The following ATP2B2 variants were observed in gnomAD, a reference collection of about 807,000 sequenced individuals.
ATP2B2 encodes the protein plasma membrane calcium-transporting ATPase 2.
ATP2B2 carries 15 observed loss-of-function variants against 120.0 expected under a neutral mutation model. The observed-to-expected ratio is 0.12, with a 90% CI of 0.08 to 0.19. The LOEUF is 0.19. ATP2B2 is among the 10% of genes least tolerant of loss of function. ATP2B2 has a pLI of 1.00. For missense variants in ATP2B2, 1,045 were observed against 1,719.8 expected, an observed-to-expected ratio of 0.61 and a Z score of 6.94; for synonymous variants, 694 against 700.3, an observed-to-expected ratio of 0.99 and a Z score of 0.14.
chr3:10,706,354 G>C (rs932042724), intron 1 of ATP2B2, among the ~76,000 whole-genome samples: 1 of 152,208 alleles, frequency 6.6e-6, no homozygotes, highest in Non-Finnish European at 1.5e-5. Flanking sequence ...TATGCAGAGG[G>C]GGCCTCTTCC....
intron 2 of ATP2B2, among the ~76,000 whole-genome samples, chr3:10,426,079 T>C (rs995639227): frequency 6.6e-6 from 1 of 152,040 alleles, no homozygotes; most frequent in Non-Finnish European, 1.5e-5. Context: ...ACAAGTGCTT[T>C]CCTGCCTTAG....
intron 1 of ATP2B2, among the ~76,000 whole-genome samples, chr3:10,639,666 T>C (rs7618122): frequency 0.3 from 45,153 of 152,070 alleles, 11,166 homozygotes; most frequent in African/African-American, 0.68. Context: ...CAGAGACTAG[T>C]GACTGGGTGC....
chr3:10,599,881 T>C (rs1003935748), intron 2 of ATP2B2, among the ~76,000 whole-genome samples: 1 of 151,728 alleles, frequency 6.6e-6, no homozygotes, highest in Non-Finnish European at 1.5e-5. Context: ...ACGTAGTACG[T>C]GGGGTGGAAG....
chr3:10,438,429 C>A (rs1369459950), intron 2 of ATP2B2, among the ~76,000 whole-genome samples: 1 of 152,240 alleles, frequency 6.6e-6, no homozygotes, highest in Non-Finnish European at 1.5e-5. Flanking sequence ...AACTGCCTGC[C>A]AATCCAGTGT....
intron 1 of ATP2B2, among the ~76,000 whole-genome samples, chr3:10,501,072 C>T (rs1269773014): frequency 3.3e-5 from 5 of 152,206 alleles, no homozygotes; most frequent in Non-Finnish European, 5.9e-5. Flanking sequence ...ACACTCTCCC[C>T]CATACCCAGG....
intron 2 of ATP2B2, among the ~76,000 whole-genome samples, chr3:10,542,852 G>C (rs983228009): frequency 6.6e-6 from 1 of 152,208 alleles, no homozygotes; most frequent in African/African-American, 2.4e-5. Flanking sequence ...TCAGCTTCCT[G>C]AATCTGTAGG....
intron 5 of ATP2B2, 49 bp downstream of exon 5, chr3:10,400,904 C>A (rs757282782): frequency 1.1e-5 from 17 of 1,611,652 alleles, no homozygotes; most frequent in African/African-American, 8.0e-5. Context: ...ACACAGGCAT[C>A]CCCTGTGCAT....
At chr3:10,350,680 A>C in intron 14 of ATP2B2, 103 bp from the exon 15 acceptor site, 1 of 1,262,118 alleles carries the variant, frequency 7.9e-7, no homozygotes, top group Non-Finnish European at 1.1e-6. Context: ...AGCTCTACTG[A>C]AAGGGGACTA....
At chr3:10,467,348 C>T (rs559148606) in intron 1 of ATP2B2, among the ~76,000 whole-genome samples, 60 of 152,330 alleles carry the variant, frequency 3.9e-4, no homozygotes, top group African/African-American at 1.4e-3. Context: ...GCTTGGTGGA[C>T]TCCTATTCAC....
At chr3:10,441,145 A>G (rs1259477796) in intron 2 of ATP2B2, among the ~76,000 whole-genome samples, 1 of 152,170 alleles carries the variant, frequency 6.6e-6, no homozygotes, top group Non-Finnish European at 1.5e-5. Flanking sequence ...GGGATCTGGA[A>G]GGGGTTCCTC....
chr3:10,538,782 A>C (rs1575474270), intron 2 of ATP2B2, among the ~76,000 whole-genome samples: 2 of 152,232 alleles, frequency 1.3e-5, no homozygotes, highest in Non-Finnish European at 2.9e-5. Flanking sequence ...CTGAATGGGC[A>C]AAAACTGGAA....
chr3:10,475,759 G>A (rs895358695), intron 1 of ATP2B2, among the ~76,000 whole-genome samples: 3 of 152,200 alleles, frequency 2.0e-5, no homozygotes, highest in South Asian at 2.1e-4. Context: ...GTCTAAGTGC[G>A]TTTCTGCTGC....
At chr3:10,408,101 T>C (rs887877232) in intron 3 of ATP2B2, among the ~76,000 whole-genome samples, 1 of 152,198 alleles carries the variant, frequency 6.6e-6, no homozygotes, top group African/African-American at 2.4e-5. Flanking sequence ...ATTTCAACAC[T>C]GGCTGCTCAG....
At chr3:10,353,086 A>AT (rs1190037509) in intron 14 of ATP2B2, among the ~76,000 whole-genome samples, 2 of 152,128 alleles carry the variant, frequency 1.3e-5, no homozygotes, top group African/African-American at 4.8e-5. Context: ...AGTCTAGCTG[A>AT]TTTTTTAACA....
In ATP2B2 at chr3:10,385,256, T is replaced by G; in HGVS notation, c.1000+12A>C. 3 of 1,611,666 alleles carry G rather than the reference T, an allele frequency of 1.9e-6. No individual in the cohort carries two copies. The highest frequency in any genetic ancestry group is 2.5e-6 in the Non-Finnish European group (3 of 1,179,322). ...TCCAACCATGACCAGGAGCTCGCCG[T>G]GGGAGACATACCATTGACTAGGCTG... On this transcript the variant is annotated intron_variant, in intron 8 of 22. Transcript: ENST00000360273.
At chr3:10,543,705 C>T (rs1337465995) in intron 2 of ATP2B2, among the ~76,000 whole-genome samples, 1 of 151,078 alleles carries the variant, frequency 6.6e-6, no homozygotes, top group Non-Finnish European at 1.5e-5. Flanking sequence ...AGAGATATAA[C>T]CTACACAATC....
At chr3:10,337,050 C>A (rs920376752) in intron 22 of ATP2B2, among the ~76,000 whole-genome samples, 2 of 152,142 alleles carry the variant, frequency 1.3e-5, no homozygotes, top group Non-Finnish European at 2.9e-5. Context: ...AGCCCAGGCC[C>A]GTGTCAGGCA....
chr3:10,344,441 C>T (rs944357737), intron 18 of ATP2B2, among the ~76,000 whole-genome samples: 1 of 152,244 alleles, frequency 6.6e-6, no homozygotes, highest in African/African-American at 2.4e-5. Flanking sequence ...GAGCTGCCAC[C>T]TATATTCCCC....
intron 1 of ATP2B2, among the ~76,000 whole-genome samples, chr3:10,628,202 T>G (rs1194006043): frequency 6.6e-6 from 1 of 152,196 alleles, no homozygotes; most frequent in Non-Finnish European, 1.5e-5. Flanking sequence ...GGCTTTGGAC[T>G]TTCTCCTGAG....
Sources: gnomAD v4.1 joint callset for allele counts (sites outside exome capture counted in the v4.1 genomes callset) on GRCh38, gnomAD v4.1.1 for gene constraint, MANE v1.5 for transcripts, NCBI Gene and HGNC (gene_info 2026-07-23, HGNC 2026-07-21) for gene names.